PLCB1: variants seen among roughly 807,000 people sequenced by gnomAD.
PLCB1 encodes 1-phosphatidylinositol 4,5-bisphosphate phosphodiesterase beta-1.
Under a neutral mutation model 161.8 loss-of-function variants are expected in PLCB1, and 46 were observed. That is an observed-to-expected ratio of 0.28 (90% CI 0.22 to 0.36). The LOEUF is 0.36. Ranked by LOEUF, PLCB1 falls within the 10% of genes least tolerant of loss-of-function variation. PLCB1 has a pLI of 1.00. For synonymous variants in PLCB1, 517 were observed against 503.7 expected (o/e 1.03, Z -0.35); for missense variants, 1,016 against 1,472.5 (o/e 0.69, Z 5.07).
At chr20:8,192,023 A>G (rs1387572960) in intron 2 of PLCB1, among the ~76,000 whole-genome samples, 1 of 152,080 alleles carries the variant, frequency 6.6e-6, no homozygotes, top group Non-Finnish European at 1.5e-5. Context: ...CAGTATAAAT[A>G]TAGTTAGGAT....
intron 3 of PLCB1, among the ~76,000 whole-genome samples, chr20:8,561,708 A>T (rs1986145840): frequency 1.3e-5 from 2 of 152,046 alleles, no homozygotes; most frequent in Admixed American, 1.3e-4. Flanking sequence ...AAATTTCATT[A>T]ACAGATGCAA....
At chr20:8,401,887 G>T (rs913186298) in intron 3 of PLCB1, among the ~76,000 whole-genome samples, 1 of 152,220 alleles carries the variant, frequency 6.6e-6, no homozygotes, top group African/African-American at 2.4e-5. Flanking sequence ...AGGAGAACCA[G>T]TGATTAGTGA....
At position 8,397,104 on chromosome 20, in the gene PLCB1, A is replaced by G. The variant is rs6055792; in HGVS notation, c.246+25654A>G. ...TTCCTCATTTCCTCTTCTTTCATGTATATCTGTTTTTGTATAGTGGCAATT... is the reference window on the plus strand; with the variant it reads ...TTCCTCATTTCCTCTTCTTTCATGTGTATCTGTTTTTGTATAGTGGCAATT... On this transcript the variant is annotated intron_variant, in intron 3 of 31. Coordinates refer to ENST00000338037, the MANE Select transcript of PLCB1 (RefSeq NM_015192.4). Among the ~76,000 whole-genome samples, 12 of 152,092 alleles carry G rather than the reference A, an allele frequency of 7.9e-5. No homozygotes were observed. The South Asian group carries it at 1.7e-3, about 21-fold the overall frequency.
At chr20:8,774,785 T>C in intron 27 of PLCB1, 66 bp downstream of exon 27, 1 of 1,398,186 alleles carries the variant, frequency 7.2e-7, no homozygotes, top group South Asian at 1.4e-5. Flanking sequence ...CTTTGGATAC[T>C]TTTGGATAAC....
chr20:8,182,102 G>A (rs73895565), intron 2 of PLCB1, among the ~76,000 whole-genome samples: 1 of 152,272 alleles, frequency 6.6e-6, no homozygotes, highest in African/African-American at 2.4e-5. Flanking sequence ...GCGTTCACAG[G>A]AATTAGTCTC....
At chr20:8,511,259 C>T (rs937247584) in intron 3 of PLCB1, among the ~76,000 whole-genome samples, 1 of 152,110 alleles carries the variant, frequency 6.6e-6, no homozygotes, top group Non-Finnish European at 1.5e-5. Flanking sequence ...TTTCACTTAG[C>T]GTAACTTCCT....
intron 3 of PLCB1, among the ~76,000 whole-genome samples, chr20:8,539,460 A>G (rs1293730541): frequency 1.3e-5 from 2 of 152,190 alleles, no homozygotes; most frequent in Non-Finnish European, 2.9e-5. Flanking sequence ...ATGTGTAATC[A>G]TGATTCTGGG....
chr20:8,469,687 C>T (rs1981969336), intron 3 of PLCB1, among the ~76,000 whole-genome samples: 1 of 152,120 alleles, frequency 6.6e-6, no homozygotes, highest in African/African-American at 2.4e-5. Flanking sequence ...TTTTTTCCAG[C>T]TTTGCTTTGT....
chr20:8,392,681 A>G (rs991489620), intron 3 of PLCB1, among the ~76,000 whole-genome samples: 3 of 152,202 alleles, frequency 2.0e-5, no homozygotes, highest in African/African-American at 7.2e-5. Flanking sequence ...AGTAATATCA[A>G]TTTGTGAGTA....
At chr20:8,218,532 C>T (rs2123158531) in intron 2 of PLCB1, among the ~76,000 whole-genome samples, 1 of 152,210 alleles carries the variant, frequency 6.6e-6, no homozygotes, top group East Asian at 1.9e-4. Flanking sequence ...CTCTAATGTA[C>T]ACTGGGAGTA....
intron 2 of PLCB1, among the ~76,000 whole-genome samples, chr20:8,364,261 A>G (rs1371028109): frequency 6.6e-6 from 1 of 152,216 alleles, no homozygotes; most frequent in Non-Finnish European, 1.5e-5. Flanking sequence ...AAATAAATTA[A>G]AAATGAAAAG....
At chr20:8,207,448 C>T (rs962771914) in intron 2 of PLCB1, among the ~76,000 whole-genome samples, 3 of 152,120 alleles carry the variant, frequency 2.0e-5, no homozygotes, top group African/African-American at 4.8e-5. Flanking sequence ...CACCTAATGT[C>T]CAGTACAGTG....
chr20:8,404,424 TCTC>T (rs2122486728), intron 3 of PLCB1, among the ~76,000 whole-genome samples: 1 of 152,296 alleles, frequency 6.6e-6, no homozygotes, highest in Non-Finnish European at 1.5e-5. Flanking sequence ...GTAAAGCACA[TCTC>T]CTGGCACCGA....
intron 3 of PLCB1, among the ~76,000 whole-genome samples, chr20:8,452,886 A>T (rs1243591688): frequency 6.6e-6 from 1 of 152,250 alleles, no homozygotes; most frequent in Admixed American, 6.5e-5. Context: ...CGTTGGCATT[A>T]TAATGATTCA....
chr20:8,737,277 G>C (rs1039132801), intron 20 of PLCB1, 85 bp downstream of exon 20: 2 of 1,152,542 alleles, frequency 1.7e-6, no homozygotes, highest in African/African-American at 1.6e-5. Context: ...TGAATTATTT[G>C]TTATTTAATT....
rs909523089 is a variant in PLCB1, at chr20:8,542,218, CG to C, written c.247-86075del. Reference sequence around the variant, plus strand: ...GACCGGTTCTTTCCTACGTGTGAACCGTGCTCTGCTGCAATCTACTAGTGCC... The same window carrying C: ...GACCGGTTCTTTCCTACGTGTGAACCTGCTCTGCTGCAATCTACTAGTGCC... On this transcript the variant is annotated intron_variant, in intron 3 of 31. Transcript: ENST00000338037. Among the ~76,000 whole-genome samples the C allele has an allele frequency of 2.0e-5, 3 of 152,256 alleles. No individual in the cohort carries two copies. The East Asian group carries it at 5.8e-4, about 29-fold the overall frequency.
chr20:8,138,689 T>TA (rs904988083), intron 1 of PLCB1, among the ~76,000 whole-genome samples: 54 of 152,156 alleles, frequency 3.5e-4, no homozygotes, highest in Non-Finnish European at 3.8e-4. Context: ...TATATGACCA[T>TA]AAAAAAGCCA....
intron 3 of PLCB1, among the ~76,000 whole-genome samples, chr20:8,452,991 C>G (rs1253568051): frequency 6.6e-6 from 1 of 152,230 alleles, no homozygotes; most frequent in Non-Finnish European, 1.5e-5. Context: ...AATTTCTCCT[C>G]TATTTATTTT....
chr20:8,296,962 C>A (rs948160058), intron 2 of PLCB1, among the ~76,000 whole-genome samples: 1 of 152,000 alleles, frequency 6.6e-6, no homozygotes, highest in African/African-American at 2.4e-5. Flanking sequence ...TCAGTCGCAG[C>A]CTTTTCTATC....
Sources: gnomAD v4.1 joint callset for allele counts (sites outside exome capture counted in the v4.1 genomes callset) on GRCh38, gnomAD v4.1.1 for gene constraint, MANE v1.5 for transcripts, NCBI Gene and HGNC (gene_info 2026-07-23, HGNC 2026-07-21) for gene names.